The following ALAD variants were observed in gnomAD, a reference collection of about 807,000 sequenced individuals.
ALAD encodes aminolevulinate dehydratase.
Under a neutral mutation model 44.4 loss-of-function variants are expected in ALAD, and 20 were observed. That is an observed-to-expected ratio of 0.45 (90% CI 0.32 to 0.65). The LOEUF is 0.65. ALAD is among the 30% of genes least tolerant of loss of function. ALAD has a pLI of 0.05. For synonymous variants in ALAD, 156 were observed against 167.9 expected, an observed-to-expected ratio of 0.93 and a Z score of 0.55; for missense variants, 323 against 445.7, an observed-to-expected ratio of 0.72 and a Z score of 2.48.
Position 113,390,866 on chromosome 9 carries a change from T to C in ALAD, c.329A>G (p.Lys110Arg), listed in dbSNP as rs557431649. The C allele has an allele frequency of 1.2e-6, 2 of 1,613,870 alleles. No individual in the cohort carries two copies. The highest frequency in any genetic ancestry group is 1.1e-5 in the South Asian group (1 of 91,074). ...PAIEAIHLLR[K>R]TFPNLLVACD... is the part of the protein sequence containing the mutation. Reference sequence around the variant, plus strand: ...GGCCACCAGGAGGTTGGGGAAGGTCTTCCTCAACAGATGGATTGCCTCAAT... The same window carrying C: ...GGCCACCAGGAGGTTGGGGAAGGTCCTCCTCAACAGATGGATTGCCTCAAT... The change falls in exon 5 of 12, where the codon AAG becomes AGG. Residue 110 changes from lysine (K) to arginine (R), a missense_variant. Physicochemically the swap from Lys to Arg is conservative, Grantham distance 26. Coordinates refer to ENST00000409155, the MANE Select transcript of ALAD (RefSeq NM_000031.6).
intron 2 of ALAD, 105 bp downstream of exon 2, chr9:113,393,342 C>A: frequency 9.5e-7 from 1 of 1,058,062 alleles, no homozygotes; most frequent in Middle Eastern, 2.2e-4. Flanking sequence ...TGACAGCTCA[C>A]TTTGCCACCC....
chr9:113,394,410 C>T (rs986183188), intron 1 of ALAD, among the ~76,000 whole-genome samples: 1 of 151,422 alleles, frequency 6.6e-6, no homozygotes, highest in Non-Finnish European at 1.5e-5. Context: ...TGGTGGTCCA[C>T]ACCTGTAGTC....
At chr9:113,391,253 A>G (rs1827575002) in intron 4 of ALAD, among the ~76,000 whole-genome samples, 1 of 152,054 alleles carries the variant, frequency 6.6e-6, no homozygotes, top group South Asian at 2.1e-4. Flanking sequence ...CCCAGGCTAG[A>G]GTGCACTGGC....
chr9:113,387,654 T>TGGC lies in ALAD; in HGVS notation c.*643_*645dup, dbSNP rs547680619. ...CCTGAATAAAAAGTGTTTGTGGTGGTGGCACCTCTAGCAGTCAGGAACTCC... is the reference window on the plus strand; with the variant it reads ...CCTGAATAAAAAGTGTTTGTGGTGGTGGCGGCACCTCTAGCAGTCAGGAACTCC... On this transcript the variant is annotated 3_prime_UTR_variant, in exon 12 of 12. Transcript: ENST00000409155. 0.011 allele frequency: 1,731 copies of TGGC among 159,542 alleles called. 13 individuals carry two copies. The highest frequency in any genetic ancestry group is 0.018 in the Non-Finnish European group (1,261 of 72,036). 9.9% of individuals were successfully genotyped at this position (159,542 alleles called of 1,614,324 possible). A position where few individuals can be genotyped will look rare whatever the true frequency, so the allele number is the denominator to read the frequency against.
Position 113,389,625 on chromosome 9 carries a change from C to G in ALAD, c.688G>C (p.Ala230Pro). The G allele has an allele frequency of 6.2e-7, 1 of 1,614,220 alleles. No homozygotes were observed. The highest frequency in any genetic ancestry group is 8.5e-7 in the Non-Finnish European group (1 of 1,180,042). ...DRRCYQLPPG[A>P]RGLALRAVDR... ...ACAGCTCGGAGAGCCAGGCCTCGTG[C>G]TCCAGGGGGCAGCTGGTAGCAGCGG... Residue 230 changes from alanine to proline, a missense_variant, in exon 9 of 12, where the codon GCA (alanine) becomes CCA (proline). Coordinates refer to ENST00000409155, the MANE Select transcript of ALAD (RefSeq NM_000031.6).
Position 113,390,665 on chromosome 9 carries a change from C to T in ALAD, c.409G>A (p.Glu137Lys), listed in dbSNP as rs1338526252. Residue 137 changes from glutamate (E) to lysine (K), a missense_variant, in exon 6 of 12, where the codon GAA becomes AAA. Transcript: ENST00000409155. ...TCCTCAGCCCGGAATGCTCCGTTTT[C>T]ACTCAGGAGCCCTTCAGGACAGATG... ...TSHGHCGLLS[E>K]NGAFRAEESR... 1 of 1,613,952 alleles carries T rather than the reference C, an allele frequency of 6.2e-7. No homozygotes were observed. The highest frequency in any genetic ancestry group is 8.5e-7 in the Non-Finnish European group (1 of 1,179,938).
intron 1 of ALAD, among the ~76,000 whole-genome samples, chr9:113,394,843 G>A (rs1003183899): frequency 2.0e-5 from 3 of 151,826 alleles, no homozygotes; most frequent in Non-Finnish European, 2.9e-5. Context: ...CTTGAGGTCA[G>A]GAGTTCGAGA....
chr9:113,394,146 C>G (rs1827668079), intron 1 of ALAD, among the ~76,000 whole-genome samples: 1 of 151,598 alleles, frequency 6.6e-6, no homozygotes, highest in South Asian at 2.1e-4. Flanking sequence ...TGCCATGCTT[C>G]CCAGGATGGT....
intron 1 of ALAD, among the ~76,000 whole-genome samples, chr9:113,399,679 C>T (rs1827811156): frequency 1.3e-5 from 2 of 152,130 alleles, no homozygotes; most frequent in Non-Finnish European, 2.9e-5. Flanking sequence ...TGAAGTTGGG[C>T]CCTGAGCACT....
chr9:113,391,191 C>A (rs548899079), intron 4 of ALAD, among the ~76,000 whole-genome samples: 13 of 152,236 alleles, frequency 8.5e-5, no homozygotes, highest in Admixed American at 2.6e-4. Flanking sequence ...CACCTTTGCC[C>A]AACCTCCCTT....
Position 113,389,040 on chromosome 9 carries a change from G to C in ALAD, c.868C>G (p.Gln290Glu). The C allele has an allele frequency of 1.9e-6, 3 of 1,613,912 alleles. No individual in the cohort carries two copies. Among genetic ancestry groups the C allele is most frequent in the Non-Finnish European group, 2.5e-6 (3 of 1,180,034 alleles). ...GCCTTGAGATCAAATGCCCCGGCCT[G>C]GGCTCCATGCCACAGCATGGCAAAC... ...GEFAMLWHGA[Q>E]AGAFDLKAAV... Residue 290 changes from glutamine to glutamate, a missense_variant, in exon 11 of 12, where the codon CAG (glutamine) becomes GAG (glutamate). Gln to Glu is a conservative substitution (Grantham distance 29). Transcript: ENST00000409155.
At chr9:113,399,423 A>C (rs749699745) in intron 1 of ALAD, among the ~76,000 whole-genome samples, 3 of 152,174 alleles carry the variant, frequency 2.0e-5, no homozygotes, top group Non-Finnish European at 2.9e-5. Context: ...TGTGGGCCAC[A>C]GGGTTTTCCA....
intron 1 of ALAD, among the ~76,000 whole-genome samples, chr9:113,400,120 G>C (rs565266716): frequency 5.0e-4 from 76 of 152,168 alleles, no homozygotes; most frequent in Non-Finnish European, 8.7e-4. Flanking sequence ...CAGAATCCTA[G>C]AATATCTTGG....
intron 1 of ALAD, chr9:113,396,592 T>C: frequency 6.5e-6 from 1 of 153,522 alleles, no homozygotes; most frequent in Non-Finnish European, 1.5e-5. Context: ...GGGGCCAGGC[T>C]GAGGCTGTGG....
chr9:113,390,363 G>T, intron 7 of ALAD, 42 bp downstream of exon 7: 1 of 1,586,772 alleles, frequency 6.3e-7, no homozygotes, highest in Non-Finnish European at 8.6e-7. Context: ...GGCTGGTGCA[G>T]ACTATCTCCT....
At position 113,388,331 on chromosome 9, in the gene ALAD, G is replaced by A. The variant is rs139825145; in HGVS notation, c.962C>T (p.Pro321Leu). The A allele has an allele frequency of 1.5e-5, 25 of 1,613,956 alleles. No individual in the cohort carries two copies. The highest frequency in any genetic ancestry group is 6.7e-5 in the Admixed American group (4 of 59,984). Residue 321 changes from proline (P) to leucine (L), a missense_variant, in exon 12 of 12, where the codon CCG becomes CTG. By Grantham distance (98) the Pro-to-Leu change is moderately conservative. Transcript: ENST00000409155. Reference sequence around the variant, plus strand: ...CTCCTTCAGCCACTGCAGCAGCTGCGGTGTGTAGTAGGTGATGATGATGTC... The same window carrying A: ...CTCCTTCAGCCACTGCAGCAGCTGCAGTGTGTAGTAGGTGATGATGATGTC... ...GADIIITYYT[P>L]QLLQWLKEE
chr9:113,393,575 G>A lies in ALAD; in HGVS notation c.-16C>T. 6.2e-7 allele frequency: 1 copy of A among 1,605,720 alleles called. No homozygotes were observed. Among genetic ancestry groups the A allele is most frequent in the Admixed American group, 1.7e-5 (1 of 60,020 alleles). On this transcript the variant is annotated 5_prime_UTR_variant, in exon 2 of 12. Coordinates refer to ENST00000409155, the MANE Select transcript of ALAD (RefSeq NM_000031.6). The stretch of plus-strand genomic sequence containing the variant: ...GGGGCTGCATGGCGTGGGCCAGTGG[G>A]CACAGGGGCATCAGTTGGTTGGAAC...
At position 113,391,611 on chromosome 9, in the gene ALAD, C is replaced by G. The variant is rs1800435; in HGVS notation, c.177G>C (p.Lys59Asn). 134,416 of 1,613,738 alleles carry G rather than the reference C, an allele frequency of 0.083. 6,502 individuals are homozygous for G. The highest frequency in any genetic ancestry group is 0.14 in the South Asian group (13,014 of 91,058). Residue 59 changes from lysine (K) to asparagine (N), a missense_variant, in exon 4 of 12, where the codon AAG becomes AAC. Coordinates refer to ENST00000409155, the MANE Select transcript of ALAD (RefSeq NM_000031.6). ...AGGGCCTCAGCATCTCTTCCAGCCG[C>G]TTCACACCATACCTGTGTGGGTGTG... The part of the protein sequence containing the change: ...SLPGVARYGV[K>N]RLEEMLRPLV...
chr9:113,391,589 G>T lies in ALAD; in HGVS notation c.199C>A (p.Pro67Thr). 6.2e-7 allele frequency: 1 copy of T among 1,614,102 alleles called. No homozygotes were observed. Residue 67 changes from proline to threonine, a missense_variant, in exon 4 of 12, where the codon CCC becomes ACC. Coordinates refer to ENST00000409155, the MANE Select transcript of ALAD (RefSeq NM_000031.6). ...GVKRLEEMLRPLVEEGLRCVL... is the reference protein window; with the variant it reads ...GVKRLEEMLRTLVEEGLRCVL... ...CAGCGTAGGCCCTCTTCCACCAAGG[G>T]CCTCAGCATCTCTTCCAGCCGCTTC...
Sources: gnomAD v4.1 joint callset for allele counts (sites outside exome capture counted in the v4.1 genomes callset) on GRCh38, gnomAD v4.1.1 for gene constraint, MANE v1.5 for transcripts, NCBI Gene and HGNC (gene_info 2026-07-23, HGNC 2026-07-21) for gene names.